Variants in SYNE2 observed in about 807,000 individuals in gnomAD.
The protein encoded by SYNE2 is spectrin repeat containing nuclear envelope protein 2.
A neutral mutation model predicts 856.3 loss-of-function variants in SYNE2; 431 were observed. That is an observed-to-expected ratio of 0.50 (90% confidence interval 0.47 to 0.55). The LOEUF (loss-of-function observed/expected upper bound fraction) is 0.55, where lower values mean the gene tolerates loss of function less well. Among genes scored for constraint, SYNE2 ranks in the 20% least tolerant of loss-of-function variants. The pLI is 0.00. For missense variants in SYNE2, 8,129 were observed against 8,023.2 expected (o/e 1.01, Z -0.50); for synonymous variants, 2,923 against 2,872.3 (o/e 1.02, Z -0.56).
At chr14:64,105,745 T>C (rs2097766873) in intron 64 of SYNE2, among the ~76,000 whole-genome samples, 1 of 151,536 alleles carries the variant, frequency 6.6e-6, no homozygotes, top group Non-Finnish European at 1.5e-5. Context: ...GTGACACACA[T>C]TTTCAAACTG....
chr14:63,839,148 G>A (rs1312589806), intron 1 of SYNE2, among the ~76,000 whole-genome samples: 1 of 151,964 alleles, frequency 6.6e-6, no homozygotes, highest in African/African-American at 2.4e-5. Flanking sequence ...TCCTGCCTCA[G>A]CCTCCCGAGT....
At chr14:63,774,499 C>CA (rs1202141629) in intron 1 of SYNE2, among the ~76,000 whole-genome samples, 2 of 142,756 alleles carry the variant, frequency 1.4e-5, no homozygotes, top group Non-Finnish European at 3.1e-5. Flanking sequence ...AAAAAAGAAA[C>CA]AAAAAAAGAA....
In SYNE2 at chr14:63,892,184, C is replaced by T. The variant is rs374061110; in HGVS notation, c.-51-16914C>T. On this transcript the variant is annotated intron_variant, in intron 1 of 115. Coordinates refer to ENST00000555002, the MANE Select transcript of SYNE2 (RefSeq NM_182914.3). ...TACACAACAGAAACGTGTAAAAATG[C>T]TCGTGCAGTTATATTATTCAAACGC... 4.9e-4 allele frequency among the ~76,000 whole-genome samples: 74 copies of T among 151,668 alleles called. 1 individual carries two copies. Among genetic ancestry groups the T allele is most frequent in the African/African-American group, 1.8e-3 (73 of 41,466 alleles).
chr14:64,175,245 G>A, intron 95 of SYNE2, 107 bp downstream of exon 95: 1 of 1,286,080 alleles, frequency 7.8e-7, no homozygotes. Context: ...AGTATCATGA[G>A]TTTCCAACTC....
intron 57 of SYNE2, chr14:64,087,373 T>C: frequency 1.8e-6 from 1 of 557,458 alleles, no homozygotes; most frequent in Non-Finnish European, 3.5e-6. Flanking sequence ...ATGAAAGGGC[T>C]TATTATGTAT....
chr14:63,955,130 T>C (rs1448735138), intron 8 of SYNE2, among the ~76,000 whole-genome samples: 1 of 152,222 alleles, frequency 6.6e-6, no homozygotes, highest in Non-Finnish European at 1.5e-5. Flanking sequence ...AAGCAAACAG[T>C]GCTGTTATTG....
At chr14:64,030,412 A>G (rs1277843639) in intron 44 of SYNE2, among the ~76,000 whole-genome samples, 1 of 152,246 alleles carries the variant, frequency 6.6e-6, no homozygotes, top group Admixed American at 6.5e-5. Flanking sequence ...TGTGTAGCCC[A>G]TTAGGATAAC....
Position 64,212,933 on chromosome 14 carries a change from A to C in SYNE2, c.18984A>C (p.Glu6328Asp). ...TGCTGATTGAGGATGAGCTGGAGGA[A>C]CTCCACCGCTACTGCCAGGAGGTGT... ...DAVLIEDELE[E>D]LHRYCQEVFG... is the part of the protein sequence containing the mutation. Residue 6328 changes from glutamate (E) to aspartate (D), a missense_variant, in exon 105 of 116, where the codon GAA (glutamate) becomes GAC (aspartate). This residue lies in a region of SYNE2 where 5,410 missense variants were observed against 5,284.8 expected (regional missense o/e 1.02). Transcript: ENST00000555002. The C allele has an allele frequency of 1.9e-6, 3 of 1,613,974 alleles. No individual in the cohort carries two copies. The highest frequency in any genetic ancestry group is 2.5e-6 in the Non-Finnish European group (3 of 1,179,982).
chr14:64,126,420 A>G lies in SYNE2; in HGVS notation c.13648A>G (p.Met4550Val). The G allele has an allele frequency of 6.2e-7, 1 of 1,614,108 alleles. No homozygotes were observed. Residue 4550 changes from methionine to valine, a missense_variant, in exon 72 of 116, where the codon ATG (methionine) becomes GTG (valine). Met to Val is a conservative substitution (Grantham distance 21). Around this residue, in one of 3 missense-constraint regions of SYNE2, gnomAD observed 5,410 missense variants for 5,284.8 expected, o/e 1.02. Coordinates refer to ENST00000555002, the MANE Select transcript of SYNE2 (RefSeq NM_182914.3). ...TCAGTGCCTCAGCAGTGTGGAGGAG[A>G]TGCTGGAGATGCCCAGACTTTACAG... is the stretch of plus-strand genomic sequence containing the variant. ...LSQCLSSVEE[M>V]LEMPRLYRED...
intron 64 of SYNE2, among the ~76,000 whole-genome samples, chr14:64,103,024 T>C (rs1252480917): frequency 6.6e-6 from 1 of 152,220 alleles, no homozygotes; most frequent in Non-Finnish European, 1.5e-5. Context: ...TGTGTATATA[T>C]GCCACATGTT....
intron 87 of SYNE2, 56 bp from the exon 88 acceptor site, chr14:64,162,016 T>A (rs1023246586): frequency 6.2e-7 from 1 of 1,601,790 alleles, no homozygotes; most frequent in Non-Finnish European, 8.5e-7. Flanking sequence ...GCATTGTACT[T>A]TCGCTACAAG....
At chr14:64,090,839 G>T in intron 59 of SYNE2, 27 bp from the exon 60 acceptor site, 1 of 1,600,690 alleles carries the variant, frequency 6.2e-7, no homozygotes, top group Non-Finnish European at 8.6e-7. Flanking sequence ...TTTCATTTCT[G>T]TAACATGCTC....
intron 103 of SYNE2, among the ~76,000 whole-genome samples, 158 bp downstream of exon 103, chr14:64,210,282 C>A (rs1357171647): frequency 6.6e-6 from 1 of 152,196 alleles, no homozygotes; most frequent in African/African-American, 2.4e-5. Flanking sequence ...CCAAAGCTGC[C>A]AACGTTCGTT....
intron 2 of SYNE2, among the ~76,000 whole-genome samples, chr14:63,935,535 G>C (rs1220595198): frequency 6.6e-6 from 1 of 152,070 alleles, no homozygotes; most frequent in East Asian, 1.9e-4. Context: ...ACATATTGCA[G>C]GCCAAATACC....
chr14:64,038,281 G>A (rs566149035), intron 45 of SYNE2, among the ~76,000 whole-genome samples: 1 of 150,418 alleles, frequency 6.6e-6, no homozygotes, highest in Non-Finnish European at 1.5e-5. Context: ...TCCTAGATGG[G>A]ATGGGGGCCG....
upstream of SYNE2, among the ~76,000 whole-genome samples, chr14:63,852,753 G>C (rs149162800): frequency 6.8e-4 from 104 of 152,238 alleles, 1 homozygote; most frequent in South Asian, 0.016. Flanking sequence ...CCCAGCCCCG[G>C]GTAAGAAAAG....
intron 16 of SYNE2, among the ~76,000 whole-genome samples, chr14:63,981,730 TTTTC>T (rs1006153712): frequency 3.3e-5 from 5 of 152,194 alleles, no homozygotes; most frequent in African/African-American, 9.7e-5. Context: ...CTGAGGTGGT[TTTTC>T]TTTCTTTCAT....
chr14:63,995,367 A>G (rs1052645129), intron 23 of SYNE2, among the ~76,000 whole-genome samples, 165 bp downstream of exon 23: 1 of 152,136 alleles, frequency 6.6e-6, no homozygotes, highest in South Asian at 2.1e-4. Flanking sequence ...CAGAGCCTGT[A>G]CTTCTTACTT....
Position 63,824,686 on chromosome 14 carries a change from A to G in SYNE2, c.-304-27815A>G, listed in dbSNP as rs187034537. ...AAAAGAGTGTAATTGGATTGTTTGA[A>G]ACACAAAGGATAAGGGCTGGAGGTG... On this transcript the variant is annotated intron_variant, in intron 1 of 23. Coordinates refer to the SYNE2 transcript ENST00000674003. 1.7e-3 allele frequency among the ~76,000 whole-genome samples: 254 copies of G among 151,858 alleles called. 1 individual carries two copies. The highest frequency in any genetic ancestry group is 5.9e-3 in the African/African-American group (245 of 41,406).
Sources: allele counts gnomAD v4.1 joint callset (sites outside exome capture counted in the v4.1 genomes callset), GRCh38; gene constraint gnomAD v4.1.1; regional missense constraint gnomAD v4.1.1; transcripts MANE v1.5; gene names NCBI Gene and HGNC (gene_info 2026-07-23, HGNC 2026-07-21).